The following FIP1L1 variants were observed in gnomAD, a reference collection of about 807,000 sequenced individuals.
FIP1L1 encodes factor interacting with PAPOLA and CPSF1.
In FIP1L1, 21 loss-of-function variants were observed where a neutral mutation model predicts 84.6. That is an observed-to-expected ratio of 0.25 (90% CI 0.18 to 0.36). FIP1L1 has a LOEUF of 0.36. Among genes scored for constraint, FIP1L1 ranks in the 10% least tolerant of loss-of-function variants. FIP1L1 has a pLI of 1.00. For missense variants in FIP1L1, 526 were observed against 751.1 expected (o/e 0.70, Z 3.50); for synonymous variants, 263 against 242.3 (o/e 1.09, Z -0.80).
At chr4:53,405,865 T>C (rs1753114515) in intron 10 of FIP1L1, among the ~76,000 whole-genome samples, 2 of 152,062 alleles carry the variant, frequency 1.3e-5, no homozygotes, top group African/African-American at 2.4e-5. Flanking sequence ...TTTTGTATCC[T>C]GAGACTTTGC....
At chr4:53,438,518 C>G (rs946320074) in intron 13 of FIP1L1, among the ~76,000 whole-genome samples, 1 of 152,126 alleles carries the variant, frequency 6.6e-6, no homozygotes, top group Non-Finnish European at 1.5e-5. Context: ...ATTGAAATAA[C>G]ATCTTAGATG....
At chr4:53,427,929 C>T in intron 12 of FIP1L1, 98 bp from the exon 13 acceptor site, 1 of 1,066,330 alleles carries the variant, frequency 9.4e-7, no homozygotes, top group Non-Finnish European at 1.3e-6. Context: ...ATTAAACTAC[C>T]TTTTACTTTG....
rs774603891 is a variant in FIP1L1 at position 53,444,102 on chromosome 4, T to C, written c.1284T>C (p.Asn428=). The change falls in exon 15 of 18, where the codon AAT becomes AAC. Residue 428 remains asparagine (N), a splice_region_variant and synonymous_variant. Coordinates refer to ENST00000337488, the MANE Select transcript of FIP1L1 (RefSeq NM_030917.4). ...CTGCACGTGCATTTCCATATGGCAA[T>C]GGTAAGTAGTATTATTTAGATGCCT... The part of the protein sequence containing the change: ...SRSARAFPYG[N]VAFPHLPGSA... 1.0e-5 allele frequency: 16 copies of C among 1,581,694 alleles called. No homozygotes were observed. In the East Asian group the frequency reaches 3.1e-4, roughly 31 times the overall value.
At chr4:53,394,723 G>A (rs1430947946) in intron 9 of FIP1L1, among the ~76,000 whole-genome samples, 1 of 150,256 alleles carries the variant, frequency 6.7e-6, no homozygotes, top group Non-Finnish European at 1.5e-5. Context: ...AAACAAAATT[G>A]TGATAATTTA....
intron 13 of FIP1L1, among the ~76,000 whole-genome samples, chr4:53,440,009 G>C (rs1771195507): frequency 6.6e-6 from 1 of 151,868 alleles, no homozygotes; most frequent in Non-Finnish European, 1.5e-5. Context: ...ATGTGCCCTG[G>C]GGGTGTATAT....
At chr4:53,438,196 G>T (rs951357853) in intron 13 of FIP1L1, among the ~76,000 whole-genome samples, 1 of 152,100 alleles carries the variant, frequency 6.6e-6, no homozygotes, top group African/African-American at 2.4e-5. Flanking sequence ...ATATAGAAAA[G>T]AAACAAAATA....
chr4:53,421,046 G>A (rs1307473737), intron 11 of FIP1L1, among the ~76,000 whole-genome samples: 1 of 152,124 alleles, frequency 6.6e-6, no homozygotes, highest in Non-Finnish European at 1.5e-5. Flanking sequence ...ATTTTAAATA[G>A]TCTGGTGTAC....
intron 11 of FIP1L1, among the ~76,000 whole-genome samples, chr4:53,417,781 T>C (rs1237703292): frequency 1.8e-5 from 1 of 56,648 alleles, no homozygotes; most frequent in Non-Finnish European, 3.7e-5. Context: ...TCTCTCTCTC[T>C]CTCTCTCTCT....
intron 11 of FIP1L1, among the ~76,000 whole-genome samples, chr4:53,416,641 A>C (rs990290776): frequency 1.4e-4 from 21 of 152,178 alleles, no homozygotes; most frequent in Non-Finnish European, 2.4e-4. Context: ...TAGTTCAGGC[A>C]AGTCAACTTT....
At chr4:53,410,874 A>C (rs1307810833) in intron 10 of FIP1L1, among the ~76,000 whole-genome samples, 1 of 152,178 alleles carries the variant, frequency 6.6e-6, no homozygotes, top group African/African-American at 2.4e-5. Flanking sequence ...CATTGTACAT[A>C]TTGGGTTCAG....
At chr4:53,404,480 A>C (rs2149553172) in intron 10 of FIP1L1, among the ~76,000 whole-genome samples, 1 of 152,236 alleles carries the variant, frequency 6.6e-6, no homozygotes, top group Non-Finnish European at 1.5e-5. Context: ...ATACGTGTGC[A>C]TGTGTCTTTA....
At chr4:53,386,853 T>A (rs1425417732) in intron 5 of FIP1L1, among the ~76,000 whole-genome samples, 1 of 152,198 alleles carries the variant, frequency 6.6e-6, no homozygotes, top group Non-Finnish European at 1.5e-5. Context: ...GTCTTTTAGC[T>A]GCCCAAAGCC....
chr4:53,458,029 A>G (rs370026687), intron 16 of FIP1L1, among the ~76,000 whole-genome samples: 2 of 152,276 alleles, frequency 1.3e-5, no homozygotes, highest in African/African-American at 4.8e-5. Flanking sequence ...CACAGATGTA[A>G]TTAGGATGTC....
intron 15 of FIP1L1, among the ~76,000 whole-genome samples, chr4:53,445,223 T>C (rs1238977672): frequency 6.6e-6 from 1 of 152,146 alleles, no homozygotes; most frequent in Non-Finnish European, 1.5e-5. Flanking sequence ...GTGAAGTTGC[T>C]ACATTTACAT....
intron 10 of FIP1L1, among the ~76,000 whole-genome samples, chr4:53,400,682 G>T (rs941998046): frequency 3.3e-5 from 5 of 152,142 alleles, no homozygotes; most frequent in Admixed American, 3.3e-4. Context: ...CTTTATAGTG[G>T]CATCTAGTCT....
rs377730833 is a variant in FIP1L1 at position 53,377,831 on chromosome 4, G to C, written c.-8G>C. On this transcript the variant is annotated 5_prime_UTR_variant, in exon 1 of 18. Transcript: ENST00000337488. ...GATCGCCGCGTTTAAGTTGCGCTCG[G>C]GGCGGCCATGTCGGCCGGCGAGGTC... 4.5e-6 allele frequency: 7 copies of C among 1,568,246 alleles called. No individual in the cohort carries two copies. The highest frequency in any genetic ancestry group is 5.2e-6 in the Non-Finnish European group (6 of 1,156,540).
At chr4:53,391,254 C>G (rs1744111149) in intron 8 of FIP1L1, 115 bp downstream of exon 8, 1 of 1,296,716 alleles carries the variant, frequency 7.7e-7, no homozygotes, top group African/African-American at 1.5e-5. Flanking sequence ...TTTAAAAATT[C>G]CATTTTGTTT....
chr4:53,444,299 A>C (rs1021589696), intron 15 of FIP1L1, among the ~76,000 whole-genome samples, 196 bp downstream of exon 15: 1 of 152,242 alleles, frequency 6.6e-6, no homozygotes, highest in African/African-American at 2.4e-5. Context: ...CTGTGCTTTT[A>C]AAATTAATTC....
At chr4:53,384,026 C>T (rs1218860563) in intron 5 of FIP1L1, 150 bp downstream of exon 5, 2 of 714,600 alleles carry the variant, frequency 2.8e-6, no homozygotes, top group African/African-American at 1.8e-5. Flanking sequence ...CATGAATATA[C>T]TTCTTTGCTA....
Sources: allele counts gnomAD v4.1 joint callset (sites outside exome capture counted in the v4.1 genomes callset), GRCh38; gene constraint gnomAD v4.1.1; transcripts MANE v1.5; gene names NCBI Gene and HGNC (gene_info 2026-07-23, HGNC 2026-07-21).